Variants in CNTNAP2 observed in about 807,000 individuals in gnomAD.
CNTNAP2 encodes the protein contactin associated protein 2.
A neutral mutation model predicts 155.2 loss-of-function variants in CNTNAP2; 98 were observed. The ratio of observed to expected loss-of-function variants is 0.63; its 90% confidence interval spans 0.54 to 0.75. The LOEUF is 0.75. Ranked by LOEUF, CNTNAP2 falls within the 30% of genes least tolerant of loss-of-function variation. The pLI, the probability that CNTNAP2 is intolerant of heterozygous loss-of-function variation, is 0.00. For missense variants in CNTNAP2, 1,727 were observed against 1,688.1 expected (o/e 1.02, Z -0.40); for synonymous variants, 651 against 631.2 (o/e 1.03, Z -0.47).
At position 146,483,551 on chromosome 7, in the gene CNTNAP2, G is replaced by A. The variant is rs189758862; in HGVS notation, c.98-290720G>A. ...ATTTTTTTGGTTTCCTAGTAATCGG[G>A]AGTTTTGGAAAATTATGATCTCAGT... On this transcript the variant is annotated intron_variant, in intron 1 of 23. Coordinates refer to ENST00000361727, the MANE Select transcript of CNTNAP2 (RefSeq NM_014141.6). Among the ~76,000 whole-genome samples the A allele has an allele frequency of 1.8e-3, 273 of 149,860 alleles. 1 individual carries two copies. Among genetic ancestry groups the A allele is most frequent in the African/African-American group, 5.9e-3 (242 of 41,054 alleles).
chr7:148,362,967 G>A (rs1022395012), intron 21 of CNTNAP2, among the ~76,000 whole-genome samples: 1 of 151,752 alleles, frequency 6.6e-6, no homozygotes, highest in African/African-American at 2.4e-5. Flanking sequence ...TCAATAGATT[G>A]CATCAGATAT....
intron 21 of CNTNAP2, among the ~76,000 whole-genome samples, chr7:148,326,492 C>G (rs1340663575): frequency 6.6e-6 from 1 of 152,174 alleles, no homozygotes; most frequent in African/African-American, 2.4e-5. Context: ...TGATTCTGGA[C>G]CAAACTAACC....
intron 10 of CNTNAP2, among the ~76,000 whole-genome samples, chr7:147,473,675 G>A (rs1185109195): frequency 1.3e-5 from 2 of 152,172 alleles, no homozygotes; most frequent in Non-Finnish European, 2.9e-5. Context: ...CTTCCTTTCA[G>A]AAATATTCTA....
chr7:147,830,389 T>G (rs1388809085), intron 13 of CNTNAP2, among the ~76,000 whole-genome samples: 4 of 152,054 alleles, frequency 2.6e-5, no homozygotes, highest in Admixed American at 2.0e-4. Context: ...TAATACCATA[T>G]GTAAAGGCTC....
intron 1 of CNTNAP2, among the ~76,000 whole-genome samples, chr7:146,668,437 T>TGTGTGG (rs770252823): frequency 0.022 from 2,318 of 103,168 alleles, 32 homozygotes; most frequent in South Asian, 0.11. Context: ...CCTGTGTGTG[T>TGTGTGG]GTGTGTGTGT....
At chr7:147,235,661 A>T (rs2036118) in intron 8 of CNTNAP2, among the ~76,000 whole-genome samples, 1 of 151,878 alleles carries the variant, frequency 6.6e-6, no homozygotes, top group Non-Finnish European at 1.5e-5. Context: ...TGAAGCCCAC[A>T]TTGTTCCAGA....
At chr7:146,695,742 T>C (rs1384517730) in intron 1 of CNTNAP2, among the ~76,000 whole-genome samples, 4 of 152,150 alleles carry the variant, frequency 2.6e-5, no homozygotes, top group Non-Finnish European at 5.9e-5. Flanking sequence ...ATGTTTAATT[T>C]ACAAATAAGC....
intron 18 of CNTNAP2, among the ~76,000 whole-genome samples, chr7:148,214,828 C>G (rs1052249304): frequency 1.3e-5 from 2 of 152,178 alleles, no homozygotes; most frequent in Non-Finnish European, 2.9e-5. Flanking sequence ...CTCGACCTAC[C>G]AAAGTGCTGG....
At chr7:146,976,544 T>G (rs1280596284) in intron 3 of CNTNAP2, among the ~76,000 whole-genome samples, 1 of 152,168 alleles carries the variant, frequency 6.6e-6, no homozygotes, top group African/African-American at 2.4e-5. Flanking sequence ...CAGTTTATTA[T>G]GAAAGATATG....
intron 1 of CNTNAP2, among the ~76,000 whole-genome samples, chr7:146,236,526 A>G (rs958226295): frequency 1.3e-5 from 2 of 152,204 alleles, no homozygotes; most frequent in Non-Finnish European, 2.9e-5. Context: ...TCTTTTAGAA[A>G]AAGTATCAAC....
intron 18 of CNTNAP2, among the ~76,000 whole-genome samples, chr7:148,176,738 T>G (rs1794945157): frequency 6.6e-6 from 1 of 152,136 alleles, no homozygotes; most frequent in Admixed American, 6.5e-5. Context: ...CTCAGCACGT[T>G]CATCAATGAG....
chr7:146,780,786 C>A (rs534802998), intron 2 of CNTNAP2, among the ~76,000 whole-genome samples: 1 of 152,194 alleles, frequency 6.6e-6, no homozygotes, highest in South Asian at 2.1e-4. Context: ...AAAACCAACA[C>A]TGCATGTTCT....
chr7:147,272,704 T>C (rs1804783115), intron 8 of CNTNAP2, among the ~76,000 whole-genome samples: 1 of 148,358 alleles, frequency 6.7e-6, no homozygotes, highest in Admixed American at 6.7e-5. Context: ...AGATGGGGTT[T>C]CACCGTGTTA....
chr7:146,951,731 T>A (rs1797317209), intron 3 of CNTNAP2, among the ~76,000 whole-genome samples: 1 of 152,052 alleles, frequency 6.6e-6, no homozygotes, highest in African/African-American at 2.4e-5. Context: ...GTAGTGTGAT[T>A]TCTCCAGCTT....
intron 1 of CNTNAP2, among the ~76,000 whole-genome samples, chr7:146,420,900 C>T (rs1349585167): frequency 6.6e-6 from 1 of 152,016 alleles, no homozygotes; most frequent in Non-Finnish European, 1.5e-5. Flanking sequence ...AAGAAAGAAA[C>T]AAAAGTTATG....
At chr7:147,008,393 A>C (rs532291371) in intron 3 of CNTNAP2, among the ~76,000 whole-genome samples, 2 of 152,256 alleles carry the variant, frequency 1.3e-5, no homozygotes, top group South Asian at 4.1e-4. Flanking sequence ...TTCAAAATTT[A>C]CACTTTAGTT....
chr7:147,051,055 G>A (rs1381405738), intron 4 of CNTNAP2, among the ~76,000 whole-genome samples: 1 of 151,862 alleles, frequency 6.6e-6, no homozygotes, highest in Non-Finnish European at 1.5e-5. Context: ...CCCTAAACCA[G>A]GATGACCTTA....
chr7:146,639,305 T>C (rs1188830272), intron 1 of CNTNAP2, among the ~76,000 whole-genome samples: 2 of 152,202 alleles, frequency 1.3e-5, no homozygotes, highest in African/African-American at 4.8e-5. Context: ...GGAAAAAGCA[T>C]GATGTGACAT....
chr7:147,521,539 G>T (rs1036796869), intron 11 of CNTNAP2, among the ~76,000 whole-genome samples: 2 of 152,158 alleles, frequency 1.3e-5, no homozygotes, highest in Non-Finnish European at 2.9e-5. Flanking sequence ...CCTGCCCCAA[G>T]GTGTTTCCCA....
Sources: allele counts gnomAD v4.1 joint callset (sites outside exome capture counted in the v4.1 genomes callset), GRCh38; gene constraint gnomAD v4.1.1; transcripts MANE v1.5; gene names NCBI Gene and HGNC (gene_info 2026-07-23, HGNC 2026-07-21).